TSHR: variants seen among roughly 807,000 people sequenced by gnomAD.
The protein encoded by TSHR is thyroid stimulating hormone receptor.
TSHR carries 51 observed loss-of-function variants against 64.1 expected under a neutral mutation model. The ratio of observed to expected loss-of-function variants is 0.80; its 90% CI spans 0.64 to 1.01. The LOEUF (loss-of-function observed/expected upper bound fraction) is 1.01. Among genes scored for constraint, TSHR ranks in the 50% least tolerant of loss-of-function variants. The pLI is 0.00. For missense variants in TSHR, 877 were observed against 942.8 expected (o/e 0.93, Z 0.91); for synonymous variants, 361 against 361.9 (o/e 1.00, Z 0.03).
intron 3 of TSHR, among the ~76,000 whole-genome samples, chr14:81,078,344 A>G (rs572330048): frequency 6.6e-6 from 1 of 152,174 alleles, no homozygotes; most frequent in Non-Finnish European, 1.5e-5. Context: ...ATATCCTTCA[A>G]TGTCTTCTGG....
intron 5 of TSHR, among the ~76,000 whole-genome samples, chr14:81,091,487 C>T (rs1888732685): frequency 6.6e-6 from 1 of 152,106 alleles, no homozygotes; most frequent in Non-Finnish European, 1.5e-5. Flanking sequence ...TCAGTAATTG[C>T]AAGATATTGA....
At position 81,128,610 on chromosome 14, in the gene TSHR, G is replaced by A. The variant is rs532242109; in HGVS notation, c.693-11069G>A. Among the ~76,000 whole-genome samples, 209 of 152,142 alleles carry A rather than the reference G, an allele frequency of 1.4e-3. 1 individual carries two copies. Among genetic ancestry groups the A allele is most frequent in the African/African-American group, 4.9e-3 (203 of 41,504 alleles). ...GCTGTTTGTCTCCCACCCATGCCACGTATTCTCTCATCCTACCTCCTATTT... is the reference window on the plus strand; with the variant it reads ...GCTGTTTGTCTCCCACCCATGCCACATATTCTCTCATCCTACCTCCTATTT... On this transcript the variant is annotated intron_variant, in intron 8 of 9. Coordinates refer to ENST00000298171, the MANE Select transcript of TSHR (RefSeq NM_000369.5).
intron 1 of TSHR, among the ~76,000 whole-genome samples, chr14:80,984,526 C>G (rs1264951114): frequency 6.6e-6 from 1 of 152,134 alleles, no homozygotes; most frequent in Non-Finnish European, 1.5e-5. Flanking sequence ...TCCTAGATTC[C>G]CACAGCAGGC....
intron 1 of TSHR, among the ~76,000 whole-genome samples, chr14:81,017,444 A>G (rs951421069): frequency 1.6e-4 from 25 of 152,150 alleles, no homozygotes; most frequent in African/African-American, 6.0e-4. Flanking sequence ...TGCACAAAGA[A>G]AAACTTGACC....
chr14:81,048,163 C>T (rs1024696480), intron 1 of TSHR, among the ~76,000 whole-genome samples: 1 of 152,134 alleles, frequency 6.6e-6, no homozygotes, highest in Non-Finnish European at 1.5e-5. Flanking sequence ...AAAGCCCTGA[C>T]TCCCAACTCA....
chr14:81,080,676 T>A lies in TSHR; in HGVS notation c.318-7278T>A, dbSNP rs190861043. ...CCTCCAGTTACATATGGAATGTTAA[T>A]AATAATTCATTAATAATTATCAAAG... On this transcript the variant is annotated intron_variant, in intron 3 of 9. Coordinates refer to ENST00000298171, the MANE Select transcript of TSHR (RefSeq NM_000369.5). Among the ~76,000 whole-genome samples, 978 of 152,316 alleles carry A rather than the reference T, an allele frequency of 6.4e-3. 14 individuals are homozygous for A. The highest frequency in any genetic ancestry group is 0.022 in the African/African-American group (908 of 41,570).
chr14:80,966,356 C>G (rs1594896466), intron 1 of TSHR, among the ~76,000 whole-genome samples: 1 of 152,100 alleles, frequency 6.6e-6, no homozygotes, highest in African/African-American at 2.4e-5. Flanking sequence ...TCTCAACACC[C>G]TTGGCAGTTA....
At chr14:81,025,651 A>T (rs1884011909) in intron 1 of TSHR, among the ~76,000 whole-genome samples, 1 of 152,210 alleles carries the variant, frequency 6.6e-6, no homozygotes, top group South Asian at 2.1e-4. Flanking sequence ...TGAGACATTC[A>T]ATAAATCACT....
chr14:81,033,239 G>A, intron 1 of TSHR: 3 of 474,680 alleles, frequency 6.3e-6, no homozygotes, highest in Non-Finnish European at 4.1e-6. Flanking sequence ...AGGGGCCAGA[G>A]CATCCACTAC....
At chr14:81,124,793 T>G (rs967276704) in intron 8 of TSHR, among the ~76,000 whole-genome samples, 2 of 152,224 alleles carry the variant, frequency 1.3e-5, no homozygotes, top group Admixed American at 1.3e-4. Flanking sequence ...ATGTTGAGCA[T>G]CTTTTTATGC....
chr14:81,068,785 C>A (rs75163525), intron 3 of TSHR, among the ~76,000 whole-genome samples: 2 of 152,100 alleles, frequency 1.3e-5, no homozygotes, highest in African/African-American at 4.8e-5. Flanking sequence ...ATTTGAACAC[C>A]GGCATCTCTG....
rs535953072 is a variant in TSHR at position 81,042,335 on chromosome 14, A to G, written c.171-19813A>G. ...ATCAGTATGTCAAAGAGATATCTGC[A>G]CTCTCATGTTTATTGCAGCACTATT... On this transcript the variant is annotated intron_variant, in intron 1 of 9. Coordinates refer to ENST00000298171, the MANE Select transcript of TSHR (RefSeq NM_000369.5). Among the ~76,000 whole-genome samples the G allele has an allele frequency of 1.2e-4, 19 of 152,262 alleles. No individual in the cohort carries two copies. In the South Asian group the frequency reaches 1.5e-3, roughly 12 times the overall value.
intron 8 of TSHR, among the ~76,000 whole-genome samples, chr14:81,114,771 A>C (rs1306544545): frequency 6.6e-6 from 1 of 152,204 alleles, no homozygotes; most frequent in Non-Finnish European, 1.5e-5. Flanking sequence ...CGCAGACTTA[A>C]ATGTCCCTGT....
chr14:80,963,408 A>T (rs910844069), intron 1 of TSHR, among the ~76,000 whole-genome samples: 2 of 152,192 alleles, frequency 1.3e-5, no homozygotes, highest in Non-Finnish European at 2.9e-5. Flanking sequence ...AAGGCAGAAA[A>T]TATCTTTTCT....
At chr14:81,121,272 T>C (rs927432828) in intron 8 of TSHR, among the ~76,000 whole-genome samples, 9 of 152,076 alleles carry the variant, frequency 5.9e-5, no homozygotes, top group Non-Finnish European at 5.9e-5. Context: ...AGAGAAATCA[T>C]GTGGCCTGTG....
intron 1 of TSHR, among the ~76,000 whole-genome samples, chr14:80,984,073 G>T (rs538804678): frequency 1.3e-5 from 2 of 152,212 alleles, no homozygotes; most frequent in South Asian, 4.1e-4. Context: ...GTGAGTGTGT[G>T]TGTGTGTGAG....
intron 1 of TSHR, chr14:81,012,534 T>G (rs1206727012): frequency 1.3e-5 from 2 of 150,928 alleles, no homozygotes; most frequent in African/African-American, 4.8e-5. Flanking sequence ...CCACAATGGT[T>G]GAACTAGTTT....
chr14:81,143,870 C>A lies in TSHR; in HGVS notation c.1812C>A (p.Ile604=), dbSNP rs373520532. ...TCGTCTGCTGCTGTTATGTGAAGATCTACATCACAGTCCGAAATCCGCAGT... is the reference window on the plus strand; with the variant it reads ...TCGTCTGCTGCTGTTATGTGAAGATATACATCACAGTCCGAAATCCGCAGT... The part of the protein sequence containing the change: ...FVIVCCCYVK[I]YITVRNPQYN... The change falls in exon 10 of 10, where the codon ATC becomes ATA. Residue 604 remains isoleucine (I), a synonymous_variant. Coordinates refer to ENST00000298171, the MANE Select transcript of TSHR (RefSeq NM_000369.5). 6.2e-7 allele frequency: 1 copy of A among 1,614,086 alleles called. No individual in the cohort carries two copies. The highest frequency in any genetic ancestry group is 1.3e-5 in the African/African-American group (1 of 75,014).
At chr14:81,031,677 C>T (rs577260635) in intron 1 of TSHR, among the ~76,000 whole-genome samples, 4 of 152,312 alleles carry the variant, frequency 2.6e-5, no homozygotes, top group African/African-American at 9.6e-5. Flanking sequence ...CTATCCCATG[C>T]TCCCTTGCAT....
Sources: allele counts gnomAD v4.1 joint callset (sites outside exome capture counted in the v4.1 genomes callset), GRCh38; gene constraint gnomAD v4.1.1; transcripts MANE v1.5; gene names NCBI Gene and HGNC (gene_info 2026-07-23, HGNC 2026-07-21).